Variants in MIR2052HG observed in about 807,000 individuals in gnomAD.
The protein encoded by MIR2052HG is MIR2052 host gene.
At chr8:74,743,526 C>T (rs1024229048) in intron 4 of MIR2052HG, among the ~76,000 whole-genome samples, 2 of 152,170 alleles carry the variant, frequency 1.3e-5, no homozygotes, top group Non-Finnish European at 2.9e-5. Flanking sequence ...TTTCATAAAA[C>T]ACAAAATCTC....
chr8:74,694,141 A>T (rs1809271220), intron 2 of MIR2052HG, among the ~76,000 whole-genome samples: 1 of 152,234 alleles, frequency 6.6e-6, no homozygotes, highest in Non-Finnish European at 1.5e-5. Flanking sequence ...AGCAGGTGCT[A>T]GTATCCATGG....
intron 2 of MIR2052HG, among the ~76,000 whole-genome samples, chr8:74,699,187 G>A (rs1809332231): frequency 6.6e-6 from 1 of 152,112 alleles, no homozygotes; most frequent in Non-Finnish European, 1.5e-5. Context: ...AGCCGCTATG[G>A]AAAACAGCAT....
At chr8:74,644,466 A>G (rs1412339987) in intron 2 of MIR2052HG, among the ~76,000 whole-genome samples, 1 of 152,202 alleles carries the variant, frequency 6.6e-6, no homozygotes, top group African/African-American at 2.4e-5. Flanking sequence ...TTGTGGAAGT[A>G]CACTCTATGA....
intron 2 of MIR2052HG, among the ~76,000 whole-genome samples, chr8:74,655,998 T>C (rs1808802398): frequency 6.6e-6 from 1 of 152,150 alleles, no homozygotes; most frequent in Admixed American, 6.5e-5. Flanking sequence ...AGGAGATCAT[T>C]TTGGACCTTA....
At position 74,611,554 on chromosome 8, in the gene MIR2052HG, A is replaced by C. The variant is rs184683520; in HGVS notation, n.129-1299A>C. On this transcript the variant is annotated intron_variant and non_coding_transcript_variant, in intron 1 of 6. Coordinates refer to ENST00000523442, the Ensembl canonical transcript of MIR2052HG. ...TAACATCCCCTGCTGTAATGTAAAA[A>C]ACACATTTCTTTAATAATCTTGCTT... Among the ~76,000 whole-genome samples, 699 of 152,294 alleles carry C rather than the reference A, an allele frequency of 4.6e-3. 5 individuals are homozygous for C. Among genetic ancestry groups the C allele is most frequent in the African/African-American group, 0.015 (614 of 41,564 alleles).
At chr8:74,716,569 G>T (rs892419635) in intron 4 of MIR2052HG, among the ~76,000 whole-genome samples, 4 of 152,118 alleles carry the variant, frequency 2.6e-5, no homozygotes, top group African/African-American at 9.7e-5. Flanking sequence ...AATTAGCTGG[G>T]TGTGGTGGTG....
At chr8:74,681,120 G>A (rs1466519370) in intron 2 of MIR2052HG, among the ~76,000 whole-genome samples, 2 of 150,374 alleles carry the variant, frequency 1.3e-5, no homozygotes, top group South Asian at 2.1e-4. Flanking sequence ...ACTAGATGAC[G>A]AGTTAGTGGG....
At chr8:74,606,458 T>C (rs1052720719) in intron 1 of MIR2052HG, among the ~76,000 whole-genome samples, 1 of 152,164 alleles carries the variant, frequency 6.6e-6, no homozygotes, top group Non-Finnish European at 1.5e-5. Context: ...ATAACATATG[T>C]AGAAATAAAA....
At chr8:74,651,932 C>T (rs973190079) in intron 2 of MIR2052HG, among the ~76,000 whole-genome samples, 2 of 152,094 alleles carry the variant, frequency 1.3e-5, no homozygotes, top group African/African-American at 2.4e-5. Flanking sequence ...CCTATCTAGG[C>T]TTTTGTACTG....
chr8:74,610,615 C>T (rs985259228), intron 1 of MIR2052HG, among the ~76,000 whole-genome samples: 8 of 151,384 alleles, frequency 5.3e-5, no homozygotes, highest in Non-Finnish European at 1.0e-4. Context: ...TATAAAGCTA[C>T]AATAATCAAA....
chr8:74,746,567 A>AGTGTGTGTGTGTGTGTGTGTGTGTGT (rs72103010), intron 4 of MIR2052HG, among the ~76,000 whole-genome samples: 2 of 147,538 alleles, frequency 1.4e-5, no homozygotes, highest in Non-Finnish European at 3.0e-5. Flanking sequence ...GAGGAGAAGA[A>AGTGTGTGTGTGTGTGTGTGTGTGTGT]GTGTGTGTGT....
rs1263203473 is a variant in MIR2052HG at position 74,605,123 on chromosome 8, A to G, written n.128+5215A>G. Among the ~76,000 whole-genome samples, 3 of 152,154 alleles carry G rather than the reference A, an allele frequency of 2.0e-5. No homozygotes were observed. The East Asian group carries it at 5.8e-4, about 29-fold the overall frequency. ...CCCTAACTTCATTTCTCTAGAAGAC[A>G]GCTCTTCTTTTTGGGTTCCTTAGGA... On this transcript the variant is annotated intron_variant and non_coding_transcript_variant, in intron 1 of 6. Transcript: ENST00000523442.
At chr8:74,687,071 C>A (rs1405013727) in intron 2 of MIR2052HG, among the ~76,000 whole-genome samples, 1 of 152,072 alleles carries the variant, frequency 6.6e-6, no homozygotes, top group African/African-American at 2.4e-5. Context: ...AGAAGACATA[C>A]AAATGGCCAG....
chr8:74,653,487 T>A (rs1168898175), intron 2 of MIR2052HG, among the ~76,000 whole-genome samples: 2 of 152,208 alleles, frequency 1.3e-5, no homozygotes, highest in Non-Finnish European at 2.9e-5. Flanking sequence ...GTTTATCCAT[T>A]TATTAGTGTC....
rs187856918 is a variant in MIR2052HG, at chr8:74,726,199, A to G, written n.371+22517A>G. Among the ~76,000 whole-genome samples, 14 of 152,276 alleles carry G rather than the reference A, an allele frequency of 9.2e-5. No homozygotes were observed. The East Asian group carries it at 2.5e-3, about 27-fold the overall frequency. ...CAGGGTGAGACTCCATCTCAAAAGA[A>G]AAAAAGAATTAATCTTGATAGTCAT... On this transcript the variant is annotated intron_variant and non_coding_transcript_variant, in intron 4 of 6. Transcript: ENST00000523442.
intron 2 of MIR2052HG, among the ~76,000 whole-genome samples, chr8:74,700,084 C>T (rs527678965): frequency 4.5e-4 from 69 of 152,018 alleles, no homozygotes; most frequent in Non-Finnish European, 5.9e-5. Flanking sequence ...ATGAGAGAAC[C>T]GAAGTATACA....
At chr8:74,655,479 T>A (rs995265545) in intron 2 of MIR2052HG, among the ~76,000 whole-genome samples, 2 of 152,174 alleles carry the variant, frequency 1.3e-5, no homozygotes, top group Admixed American at 1.3e-4. Flanking sequence ...CTCCAGCCAT[T>A]GCTAAAAGGG....
chr8:74,697,798 G>A (rs965264728), intron 2 of MIR2052HG, among the ~76,000 whole-genome samples: 10 of 152,162 alleles, frequency 6.6e-5, no homozygotes, highest in African/African-American at 2.4e-4. Context: ...ACCTAATCAA[G>A]GAGGTGAAAG....
intron 4 of MIR2052HG, among the ~76,000 whole-genome samples, chr8:74,735,877 T>G (rs1005446516): frequency 2.0e-5 from 3 of 152,206 alleles, no homozygotes; most frequent in Admixed American, 6.6e-5. Context: ...AACATCTCTC[T>G]TAGTGCAACA....
Sources: gnomAD v4.1 joint callset for allele counts (sites outside exome capture counted in the v4.1 genomes callset) on GRCh38, gnomAD v4.1.1 for gene constraint, MANE v1.5 for transcripts, NCBI Gene and HGNC (gene_info 2026-07-23, HGNC 2026-07-21) for gene names.